The following RBFOX3 variants were observed in gnomAD, a reference collection of about 807,000 sequenced individuals.
RBFOX3 encodes RNA binding fox-1 homolog 3.
Under a neutral mutation model 48.7 loss-of-function variants are expected in RBFOX3, and 17 were observed. The ratio of observed to expected loss-of-function variants is 0.35; its 90% CI spans 0.24 to 0.52. The LOEUF is 0.52. RBFOX3 is among the 20% of genes least tolerant of loss of function. The pLI, the probability that RBFOX3 is intolerant of heterozygous loss-of-function variation, is 0.94. For synonymous variants in RBFOX3, 212 were observed against 209.5 expected (o/e 1.01, Z -0.10); for missense variants, 382 against 497.5 (o/e 0.77, Z 2.21).
chr17:79,551,500 T>C (rs2091141250), intron 1 of RBFOX3, among the ~76,000 whole-genome samples: 1 of 75,554 alleles, frequency 1.3e-5, no homozygotes, highest in South Asian at 5.1e-4. Flanking sequence ...GGTGGGTGGA[T>C]GGACGGGTAG....
intron 4 of RBFOX3, among the ~76,000 whole-genome samples, chr17:79,222,418 G>C (rs147220704): frequency 3.7e-4 from 56 of 152,322 alleles, no homozygotes; most frequent in African/African-American, 1.3e-3. Flanking sequence ...TCTAAGCTGG[G>C]ATGGCAGGAC....
intron 2 of RBFOX3, among the ~76,000 whole-genome samples, chr17:79,381,481 G>A (rs56015408): frequency 0.16 from 24,970 of 152,066 alleles, 2,390 homozygotes; most frequent in South Asian, 0.27. Flanking sequence ...GGAGCTCCCC[G>A]GGGCTCGGGG....
At chr17:79,379,884 AG>A (rs1266434594) in intron 2 of RBFOX3, among the ~76,000 whole-genome samples, 4 of 152,068 alleles carry the variant, frequency 2.6e-5, no homozygotes, top group Non-Finnish European at 5.9e-5. Flanking sequence ...AGCGGCTCTC[AG>A]GCCCGCACGA....
intron 13 of RBFOX3, among the ~76,000 whole-genome samples, chr17:79,094,932 A>C (rs75290651): frequency 0.034 from 5,236 of 152,276 alleles, 314 homozygotes; most frequent in African/African-American, 0.12. Flanking sequence ...AGGAGGGACC[A>C]GGAACACTGC....
rs553180954 is a variant in RBFOX3 at position 79,180,568 on chromosome 17, G to T, written c.-34+55198C>A. Among the ~76,000 whole-genome samples the T allele has an allele frequency of 2.6e-5, 4 of 152,314 alleles. No homozygotes were observed. In the South Asian group the frequency reaches 8.3e-4, roughly 32 times the overall value. ...GAGGCCTGGCCGGGTATGGCCCTAGGCCCCTCCTCCTGTGGCCTTTACCTC... is the reference window on the plus strand; with the variant it reads ...GAGGCCTGGCCGGGTATGGCCCTAGTCCCCTCCTCCTGTGGCCTTTACCTC... On this transcript the variant is annotated intron_variant, in intron 4 of 14. Coordinates refer to ENST00000693108, the MANE Select transcript of RBFOX3 (RefSeq NM_001350451.2).
intron 2 of RBFOX3, among the ~76,000 whole-genome samples, chr17:79,467,875 C>T (rs2076523865): frequency 2.0e-5 from 3 of 151,996 alleles, no homozygotes; most frequent in African/African-American, 7.3e-5. Context: ...CTGCTTGCCC[C>T]CTCCCACCAC....
intron 2 of RBFOX3, among the ~76,000 whole-genome samples, chr17:79,353,980 T>C (rs1450714146): frequency 6.6e-6 from 1 of 152,188 alleles, no homozygotes; most frequent in Non-Finnish European, 1.5e-5. Flanking sequence ...CACCCGACTC[T>C]TATTTTTGTT....
At chr17:79,408,945 C>T (rs181441262) in intron 2 of RBFOX3, among the ~76,000 whole-genome samples, 51 of 152,310 alleles carry the variant, frequency 3.3e-4, no homozygotes, top group African/African-American at 7.5e-4. Flanking sequence ...CATTCCATCA[C>T]GCCAACAGAA....
chr17:79,430,317 G>GA (rs2068200537), intron 2 of RBFOX3, among the ~76,000 whole-genome samples: 3 of 148,942 alleles, frequency 2.0e-5, no homozygotes, highest in Admixed American at 6.7e-5. Context: ...AAGCAGATAA[G>GA]AAAAAAAGTA....
chr17:79,542,485 G>C (rs1372206764), intron 1 of RBFOX3, among the ~76,000 whole-genome samples: 3 of 151,200 alleles, frequency 2.0e-5, no homozygotes, highest in African/African-American at 7.4e-5. Flanking sequence ...TAGCATGGCA[G>C]TCCCACGGGC....
intron 2 of RBFOX3, among the ~76,000 whole-genome samples, chr17:79,394,632 G>A (rs2061765710): frequency 6.6e-6 from 1 of 152,226 alleles, no homozygotes; most frequent in Non-Finnish European, 1.5e-5. Context: ...CAGGTCCACA[G>A]AGTAAACAAA....
intron 4 of RBFOX3, among the ~76,000 whole-genome samples, chr17:79,128,921 G>A (rs1438032835): frequency 6.6e-6 from 1 of 152,176 alleles, no homozygotes; most frequent in Non-Finnish European, 1.5e-5. Context: ...AATGCCTCAG[G>A]CCAGAGTGAG....
intron 8 of RBFOX3, among the ~76,000 whole-genome samples, chr17:79,102,711 G>A (rs186037899): frequency 9.8e-5 from 15 of 152,330 alleles, no homozygotes; most frequent in Admixed American, 5.2e-4. Flanking sequence ...AACAAGGGGT[G>A]GAGTGGGGCC....
chr17:79,125,497 G>A (rs1158138674), intron 4 of RBFOX3, among the ~76,000 whole-genome samples: 2 of 152,242 alleles, frequency 1.3e-5, no homozygotes, highest in African/African-American at 2.4e-5. Flanking sequence ...TGTGCTCTCC[G>A]GTCCTGCCTG....
chr17:79,422,847 C>A (rs1204763991), intron 2 of RBFOX3, among the ~76,000 whole-genome samples: 1 of 152,174 alleles, frequency 6.6e-6, no homozygotes, highest in Non-Finnish European at 1.5e-5. Context: ...GGACCCTCAT[C>A]GGATGGGATT....
rs189334722 is a variant in RBFOX3 at position 79,174,483 on chromosome 17, C to T, written c.-33-58735G>A. On this transcript the variant is annotated intron_variant, in intron 4 of 14. Coordinates refer to ENST00000693108, the MANE Select transcript of RBFOX3 (RefSeq NM_001350451.2). Reference sequence around the variant, plus strand: ...CACATGCACACAATGCAGTCACACACGCATACTGACACATGTCCACAATGC... The same window carrying T: ...CACATGCACACAATGCAGTCACACATGCATACTGACACATGTCCACAATGC... 6.2e-3 allele frequency among the ~76,000 whole-genome samples: 943 copies of T among 152,022 alleles called. 4 individuals carry two copies. Among genetic ancestry groups the T allele is most frequent in the Non-Finnish European group, 0.01 (706 of 67,976 alleles).
intron 2 of RBFOX3, among the ~76,000 whole-genome samples, chr17:79,376,390 G>A (rs1418272041): frequency 6.6e-6 from 1 of 152,166 alleles, no homozygotes; most frequent in Non-Finnish European, 1.5e-5. Flanking sequence ...AGGTGGGGGT[G>A]GCAGGGGCCG....
At chr17:79,197,043 T>C (rs1468314455) in intron 4 of RBFOX3, among the ~76,000 whole-genome samples, 1 of 152,166 alleles carries the variant, frequency 6.6e-6, no homozygotes, top group Non-Finnish European at 1.5e-5. Flanking sequence ...GCTTGGTATC[T>C]GCCCGGGAGG....
At chr17:79,314,279 T>C (rs1464437666) in intron 2 of RBFOX3, among the ~76,000 whole-genome samples, 1 of 152,072 alleles carries the variant, frequency 6.6e-6, no homozygotes, top group Non-Finnish European at 1.5e-5. Flanking sequence ...CCCCCAAACC[T>C]GCTGAGAAGC....
Sources: allele counts gnomAD v4.1 joint callset (sites outside exome capture counted in the v4.1 genomes callset), GRCh38; gene constraint gnomAD v4.1.1; transcripts MANE v1.5; gene names NCBI Gene and HGNC (gene_info 2026-07-23, HGNC 2026-07-21).